The following SEMA6D variants were observed in gnomAD, a reference collection of about 807,000 sequenced individuals.
The protein encoded by SEMA6D is semaphorin-6D.
A neutral mutation model predicts 106.6 loss-of-function variants in SEMA6D; 35 were observed. The observed-to-expected ratio is 0.33, with a 90% confidence interval of 0.25 to 0.44. The LOEUF (loss-of-function observed/expected upper bound fraction) is 0.44. Ranked by LOEUF, SEMA6D falls within the 20% of genes least tolerant of loss-of-function variation. The pLI is 1.00. For synonymous variants in SEMA6D, 499 were observed against 487.7 expected, an observed-to-expected ratio of 1.02 and a Z score of -0.31; for missense variants, 1,185 against 1,345.9, an observed-to-expected ratio of 0.88 and a Z score of 1.87.
intron 1 of SEMA6D, among the ~76,000 whole-genome samples, chr15:47,309,190 T>G (rs2036346010): frequency 6.6e-6 from 1 of 152,190 alleles, no homozygotes; most frequent in Non-Finnish European, 1.5e-5. Context: ...AGTTTCAGTT[T>G]CCCCATGTCA....
At chr15:47,325,555 A>G (rs1353445059) in intron 1 of SEMA6D, among the ~76,000 whole-genome samples, 11 of 152,206 alleles carry the variant, frequency 7.2e-5, no homozygotes, top group Admixed American at 7.2e-4. Flanking sequence ...TGCCCTTTAA[A>G]GTGTATTACC....
chr15:47,652,098 C>T (rs1259990877), intron 4 of SEMA6D, among the ~76,000 whole-genome samples: 1 of 152,154 alleles, frequency 6.6e-6, no homozygotes, highest in African/African-American at 2.4e-5. Context: ...TCTACCTTTA[C>T]TGGGAAATTA....
intron 1 of SEMA6D, among the ~76,000 whole-genome samples, chr15:47,266,549 T>C (rs1438536889): frequency 1.3e-5 from 2 of 152,108 alleles, no homozygotes; most frequent in Non-Finnish European, 2.9e-5. Context: ...ATGAGGGCAG[T>C]TGGGGCCCCA....
chr15:47,362,732 C>T (rs2038861174), intron 1 of SEMA6D, among the ~76,000 whole-genome samples: 1 of 152,138 alleles, frequency 6.6e-6, no homozygotes, highest in Non-Finnish European at 1.5e-5. Context: ...CAGTGGCTGG[C>T]CTGAGGAAGA....
chr15:47,682,924 C>T (rs945494652), intron 4 of SEMA6D, among the ~76,000 whole-genome samples: 6 of 152,152 alleles, frequency 3.9e-5, no homozygotes, highest in Non-Finnish European at 7.3e-5. Flanking sequence ...AGTGCATGCT[C>T]ATCACTGATG....
chr15:47,770,543 C>T lies in SEMA6D; in HGVS notation c.1980C>T (p.His660=). The change falls in exon 19 of 19, where the codon CAC becomes CAT. Residue 660 remains histidine, a synonymous_variant. Coordinates refer to ENST00000536845, the MANE Select transcript of SEMA6D (RefSeq NM_001358351.3). ...VQSGESNQMV[H]MNVLITCVFA... ...CTGGAGAGTCCAACCAGATGGTCCA[C>T]ATGAATGTCCTCATCACCTGTGTCT... 6.2e-7 allele frequency: 1 copy of T among 1,611,684 alleles called. No individual in the cohort carries two copies. The highest frequency in any genetic ancestry group is 8.5e-7 in the Non-Finnish European group (1 of 1,178,120).
chr15:47,485,872 C>A (rs2043281850), intron 3 of SEMA6D, among the ~76,000 whole-genome samples: 1 of 152,086 alleles, frequency 6.6e-6, no homozygotes, highest in Admixed American at 6.5e-5. Flanking sequence ...CAAAAGGAGC[C>A]AGAAAGATTG....
upstream of SEMA6D, among the ~76,000 whole-genome samples, chr15:47,715,608 G>C (rs909940613): frequency 5.9e-5 from 9 of 152,210 alleles, no homozygotes; most frequent in African/African-American, 1.7e-4. Flanking sequence ...CTGAAAACAC[G>C]GCTAATCCAT....
intron 1 of SEMA6D, among the ~76,000 whole-genome samples, chr15:47,727,755 T>A (rs191373557): frequency 5.3e-5 from 8 of 152,054 alleles, no homozygotes; most frequent in African/African-American, 1.9e-4. Context: ...CCTATATCAT[T>A]TCATAAATGA....
At chr15:47,184,559 C>G (rs1281401654) in intron 1 of SEMA6D, 2 of 152,228 alleles carry the variant, frequency 1.3e-5, no homozygotes, top group Non-Finnish European at 2.9e-5. Context: ...AGCCTCCCGG[C>G]GCGCCGCGGC....
At chr15:47,245,068 A>C (rs1595531190) in intron 1 of SEMA6D, among the ~76,000 whole-genome samples, 1 of 151,038 alleles carries the variant, frequency 6.6e-6, no homozygotes, top group African/African-American at 2.4e-5. Flanking sequence ...TCCATGGTAT[A>C]TACTTACCAC....
At chr15:47,722,743 G>C (rs1483182356) in intron 1 of SEMA6D, among the ~76,000 whole-genome samples, 2 of 152,194 alleles carry the variant, frequency 1.3e-5, no homozygotes, top group African/African-American at 4.8e-5. Flanking sequence ...AAGGATGATG[G>C]TGATGATGAT....
chr15:47,518,764 CA>C (rs2044473145), intron 3 of SEMA6D, among the ~76,000 whole-genome samples: 1 of 152,114 alleles, frequency 6.6e-6, no homozygotes, highest in African/African-American at 2.4e-5. Context: ...CATTGTCTTC[CA>C]CCTCCTTATC....
At chr15:47,237,919 A>T (rs768991835) in intron 1 of SEMA6D, among the ~76,000 whole-genome samples, 28 of 152,176 alleles carry the variant, frequency 1.8e-4, no homozygotes, top group Non-Finnish European at 3.2e-4. Flanking sequence ...AATTAATGGG[A>T]GTTCAACAAG....
intron 4 of SEMA6D, among the ~76,000 whole-genome samples, chr15:47,703,901 A>C (rs766536571): frequency 2.0e-5 from 3 of 152,162 alleles, no homozygotes; most frequent in Non-Finnish European, 2.9e-5. Context: ...CTGCTAATAA[A>C]ATTAATCACT....
intron 1 of SEMA6D, among the ~76,000 whole-genome samples, chr15:47,194,916 A>G (rs1277950996): frequency 1.3e-5 from 2 of 152,216 alleles, no homozygotes; most frequent in Non-Finnish European, 2.9e-5. Context: ...AGGAGGTGTC[A>G]CTACAGCTCA....
intron 2 of SEMA6D, among the ~76,000 whole-genome samples, chr15:47,420,596 G>C (rs2140399585): frequency 6.6e-6 from 1 of 152,180 alleles, no homozygotes; most frequent in Middle Eastern, 3.4e-3. Flanking sequence ...TCCATTGTTT[G>C]TCCTGATATT....
At chr15:47,319,302 A>G (rs2036829161) in intron 1 of SEMA6D, among the ~76,000 whole-genome samples, 1 of 152,220 alleles carries the variant, frequency 6.6e-6, no homozygotes, top group East Asian at 1.9e-4. Flanking sequence ...GCTGTATCCC[A>G]TTCTTGTGTT....
chr15:47,369,182 A>G (rs1242769520), intron 1 of SEMA6D, among the ~76,000 whole-genome samples: 6 of 152,288 alleles, frequency 3.9e-5, no homozygotes, highest in African/African-American at 1.2e-4. Flanking sequence ...GTAATCTAGA[A>G]CTGGTGACAT....
Sources: allele counts gnomAD v4.1 joint callset (sites outside exome capture counted in the v4.1 genomes callset), GRCh38; gene constraint gnomAD v4.1.1; transcripts MANE v1.5; gene names NCBI Gene and HGNC (gene_info 2026-07-23, HGNC 2026-07-21).